LINGO2: variants seen among roughly 807,000 people sequenced by gnomAD.
The protein encoded by LINGO2 is leucine-rich repeat and immunoglobulin-like domain-containing nogo receptor-interacting protein 2.
Under a neutral mutation model 30.6 loss-of-function variants are expected in LINGO2, and 14 were observed. The observed-to-expected ratio is 0.46, with a 90% CI of 0.30 to 0.72. The LOEUF (loss-of-function observed/expected upper bound fraction) is 0.72. Among genes scored for constraint, LINGO2 ranks in the 30% least tolerant of loss-of-function variants. LINGO2 has a pLI of 0.07. For missense variants in LINGO2, 729 were observed against 751.7 expected (o/e 0.97, Z 0.35); for synonymous variants, 317 against 288.5 (o/e 1.10, Z -1.00).
chr9:28,705,342 T>C, the LINGO2 span, among the ~76,000 whole-genome samples: 3 of 152,058 alleles, frequency 2.0e-5, no homozygotes, highest in African/African-American at 7.2e-5. Flanking sequence ...TAATTATAAT[T>C]CTATAATCTC....
chr9:28,919,602 T>C, the LINGO2 span, among the ~76,000 whole-genome samples: 5 of 152,268 alleles, frequency 3.3e-5, no homozygotes, highest in South Asian at 4.1e-4. Context: ...GTATGTGTCA[T>C]AGGCAATGGA....
At chr9:28,562,708 A>AT (rs1179917272) in intron 1 of LINGO2, among the ~76,000 whole-genome samples, 7 of 151,916 alleles carry the variant, frequency 4.6e-5, no homozygotes, top group Non-Finnish European at 1.0e-4. Context: ...TCACTCTCCC[A>AT]TTTTTCTGAC....
chr9:28,178,730 G>A (rs938661758), intron 4 of LINGO2, among the ~76,000 whole-genome samples: 9 of 151,982 alleles, frequency 5.9e-5, no homozygotes, highest in Admixed American at 5.2e-4. Flanking sequence ...TTTTTATTCT[G>A]GTGATTACAA....
the LINGO2 span, among the ~76,000 whole-genome samples, chr9:28,970,032 G>A: frequency 6.6e-6 from 1 of 152,112 alleles, no homozygotes; most frequent in African/African-American, 2.4e-5. Context: ...CTGACAATGA[G>A]ATGTGTTCAC....
chr9:28,054,477 C>G (rs1052429634), intron 4 of LINGO2, among the ~76,000 whole-genome samples: 9 of 152,032 alleles, frequency 5.9e-5, no homozygotes, highest in Admixed American at 2.0e-4. Context: ...TTTATCTAGA[C>G]CTTAGCTAAC....
chr9:28,262,039 C>T (rs1822580642), intron 4 of LINGO2, among the ~76,000 whole-genome samples: 1 of 151,938 alleles, frequency 6.6e-6, no homozygotes, highest in African/African-American at 2.4e-5. Context: ...TGTGTTAATA[C>T]ACGAAGTACA....
intron 3 of LINGO2, among the ~76,000 whole-genome samples, chr9:28,306,402 C>A (rs1291484869): frequency 7.9e-5 from 12 of 152,008 alleles, no homozygotes; most frequent in Non-Finnish European, 2.9e-5. Flanking sequence ...CACAACGTAC[C>A]AGAATCTCTG....
chr9:28,002,298 G>A (rs1821999698), intron 5 of LINGO2, among the ~76,000 whole-genome samples: 1 of 145,922 alleles, frequency 6.9e-6, no homozygotes, highest in African/African-American at 2.6e-5. Context: ...ATTTCAATTT[G>A]TTTCATATGA....
chr9:28,101,429 A>G (rs1826413176), intron 4 of LINGO2, among the ~76,000 whole-genome samples: 1 of 152,180 alleles, frequency 6.6e-6, no homozygotes, highest in Admixed American at 6.5e-5. Flanking sequence ...TAAGTAGGTC[A>G]CTTCAAGGCT....
chr9:28,558,761 T>C (rs1381346424), intron 1 of LINGO2, among the ~76,000 whole-genome samples: 1 of 152,094 alleles, frequency 6.6e-6, no homozygotes, highest in African/African-American at 2.4e-5. Flanking sequence ...GAATCTTACT[T>C]ACCTAGTTTC....
chr9:29,132,250 AG>A, the LINGO2 span, among the ~76,000 whole-genome samples: 1 of 152,106 alleles, frequency 6.6e-6, no homozygotes, highest in Non-Finnish European at 1.5e-5. Context: ...GTCTGGAGGC[AG>A]GGAACATAAG....
At chr9:29,126,717 G>A in the LINGO2 span, among the ~76,000 whole-genome samples, 11 of 152,130 alleles carry the variant, frequency 7.2e-5, no homozygotes, top group African/African-American at 2.4e-4. Flanking sequence ...TCGCAATTAT[G>A]TAAAGTGCTT....
At chr9:27,962,576 C>T (rs1357494210) in intron 5 of LINGO2, among the ~76,000 whole-genome samples, 2 of 152,104 alleles carry the variant, frequency 1.3e-5, no homozygotes, top group Non-Finnish European at 2.9e-5. Flanking sequence ...TTCAGCTAGG[C>T]AAAAGTGGAT....
chr9:28,651,220 A>T (rs1828089566), intron 1 of LINGO2, among the ~76,000 whole-genome samples: 1 of 152,002 alleles, frequency 6.6e-6, no homozygotes, highest in Non-Finnish European at 1.5e-5. Context: ...AGTACAGAAG[A>T]GGACCTACTC....
the LINGO2 span, among the ~76,000 whole-genome samples, chr9:29,119,776 T>C: frequency 6.6e-6 from 1 of 151,970 alleles, no homozygotes; most frequent in African/African-American, 2.4e-5. Flanking sequence ...TTTTGTGTTT[T>C]TAGTAGAGAT....
At chr9:27,993,815 G>A (rs10968259) in intron 5 of LINGO2, among the ~76,000 whole-genome samples, 17,905 of 151,796 alleles carry the variant, frequency 0.12, 1,198 homozygotes, top group Non-Finnish European at 0.16. Flanking sequence ...GAATCAAACC[G>A]ACACAGAACA....
intron 3 of LINGO2, among the ~76,000 whole-genome samples, chr9:28,347,573 C>A (rs187339358): frequency 3.3e-5 from 5 of 152,286 alleles, no homozygotes; most frequent in Admixed American, 3.3e-4. Flanking sequence ...TCAATTTATT[C>A]ATTGAAGATA....
At chr9:28,304,664 T>A (rs1406469504) in intron 3 of LINGO2, among the ~76,000 whole-genome samples, 1 of 152,048 alleles carries the variant, frequency 6.6e-6, no homozygotes, top group Non-Finnish European at 1.5e-5. Context: ...TAAGTCTTTT[T>A]GTGGATATAT....
chr9:28,489,896 C>CAA lies in LINGO2; in HGVS notation c.-364-13873_-364-13872dup, dbSNP rs36068240. On this transcript the variant is annotated intron_variant, in intron 1 of 5. Coordinates refer to ENST00000379992, the Ensembl canonical transcript of LINGO2. Reference sequence around the variant, plus strand: ...CTGGAAACAGAGCAAGACTTTGTCTCAAAAAAAAAAAAAAAAAAAAAAAAG... The same window carrying CAA: ...CTGGAAACAGAGCAAGACTTTGTCTCAAAAAAAAAAAAAAAAAAAAAAAAAAG... 7.5e-3 allele frequency among the ~76,000 whole-genome samples: 497 copies of CAA among 66,142 alleles called. 5 individuals carry two copies. Among genetic ancestry groups the CAA allele is most frequent in the Non-Finnish European group, 9.7e-3 (326 of 33,782 alleles). The allele number at this position is 66,142 out of a possible 152,430, so 43.4% of individuals were successfully genotyped here. A position where few individuals can be genotyped will look rare whatever the true frequency, so the allele number is the denominator to read the frequency against.
Sources: allele counts gnomAD v4.1 joint callset (sites outside exome capture counted in the v4.1 genomes callset), GRCh38; gene constraint gnomAD v4.1.1; transcripts MANE v1.5; gene names NCBI Gene and HGNC (gene_info 2026-07-23, HGNC 2026-07-21).